Variants in RGS8 observed in about 807,000 individuals in gnomAD.
RGS8 encodes the protein regulator of G protein signaling 8, also known as regulator of G-protein signaling 8.
A neutral mutation model predicts 21.7 loss-of-function variants in RGS8; 8 were observed. That is an observed-to-expected ratio of 0.37 (90% CI 0.22 to 0.66). The LOEUF (loss-of-function observed/expected upper bound fraction) is 0.66. Among genes scored for constraint, RGS8 ranks in the 30% least tolerant of loss-of-function variants. RGS8 has a pLI of 0.59. For synonymous variants in RGS8, 80 were observed against 83.6 expected, an observed-to-expected ratio of 0.96 and a Z score of 0.24; for missense variants, 157 against 217.9, an observed-to-expected ratio of 0.72 and a Z score of 1.76.
exon 4 of RGS8, chr1:182,666,944 C>T (rs1663894943): frequency 6.2e-7 from 1 of 1,614,006 alleles, no homozygotes; most frequent in African/African-American, 1.3e-5. Flanking sequence ...GTGAGACAGG[C>T]ATCCCAGTCG....
At chr1:182,692,981 T>C in the RGS8 span, among the ~76,000 whole-genome samples, 2 of 152,324 alleles carry the variant, frequency 1.3e-5, no homozygotes, top group African/African-American at 2.4e-5. Flanking sequence ...AATCAACCAA[T>C]GTGGATTAAA....
upstream of RGS8, among the ~76,000 whole-genome samples, chr1:182,685,150 T>C (rs1571361668): frequency 6.6e-6 from 1 of 152,050 alleles, no homozygotes; most frequent in African/African-American, 2.4e-5. Context: ...TCTGTGTCAT[T>C]TGTCACCCTC....
chr1:182,703,223 T>C, the RGS8 span, among the ~76,000 whole-genome samples: 1 of 152,198 alleles, frequency 6.6e-6, no homozygotes, highest in African/African-American at 2.4e-5. Context: ...AGGGGCATTT[T>C]CTCCTGCAAC....
chr1:182,747,965 G>C, the RGS8 span, among the ~76,000 whole-genome samples: 15 of 151,110 alleles, frequency 9.9e-5, no homozygotes, highest in African/African-American at 3.7e-4. Flanking sequence ...TATGTTTTAT[G>C]CTTTTTTTAT....
chr1:182,683,590 A>G (rs1212096478), intron 1 of RGS8, among the ~76,000 whole-genome samples: 1 of 149,658 alleles, frequency 6.7e-6, no homozygotes, highest in Non-Finnish European at 1.5e-5. Context: ...TCACCATTCT[A>G]TCACAGAAAG....
chr1:182,718,920 G>A, the RGS8 span, among the ~76,000 whole-genome samples: 51 of 152,250 alleles, frequency 3.3e-4, 1 homozygote, highest in African/African-American at 1.1e-3. Context: ...TAATAGCGTC[G>A]GATGGAAATG....
At chr1:182,722,745 G>A in the RGS8 span, among the ~76,000 whole-genome samples, 1 of 152,094 alleles carries the variant, frequency 6.6e-6, no homozygotes, top group Non-Finnish European at 1.5e-5. Context: ...GGGAGTCTGA[G>A]GCGGGTGGAT....
the RGS8 span, among the ~76,000 whole-genome samples, chr1:182,721,062 T>TGTATATATACATATATACAC: frequency 9.4e-6 from 1 of 106,836 alleles, no homozygotes; most frequent in South Asian, 2.8e-4. Context: ...TATATATGTG[T>TGTATATATACATATATACAC]GTATATATAC....
chr1:182,748,667 G>A, the RGS8 span, among the ~76,000 whole-genome samples: 1 of 152,098 alleles, frequency 6.6e-6, no homozygotes. Context: ...AAAATTTTTC[G>A]AGGAAACTTC....
chr1:182,730,882 A>C, the RGS8 span, among the ~76,000 whole-genome samples: 1 of 152,100 alleles, frequency 6.6e-6, no homozygotes, highest in Non-Finnish European at 1.5e-5. Flanking sequence ...GCTCCAGAAA[A>C]CTGTATTTTT....
the RGS8 span, among the ~76,000 whole-genome samples, chr1:182,697,006 A>G: frequency 2.0e-5 from 3 of 152,116 alleles, no homozygotes; most frequent in African/African-American, 7.2e-5. Context: ...TTCTATTTTT[A>G]TGGCAGAAGT....
chr1:182,700,340 A>G, the RGS8 span, among the ~76,000 whole-genome samples: 1 of 152,204 alleles, frequency 6.6e-6, no homozygotes, highest in Non-Finnish European at 1.5e-5. Context: ...ATGACCCCCA[A>G]AACATTCCCC....
At chr1:182,751,353 C>T in the RGS8 span, among the ~76,000 whole-genome samples, 3 of 152,196 alleles carry the variant, frequency 2.0e-5, no homozygotes, top group Non-Finnish European at 2.9e-5. Flanking sequence ...ATACTATTTT[C>T]ATTAACTCAT....
At chr1:182,744,284 G>A in the RGS8 span, among the ~76,000 whole-genome samples, 1 of 151,622 alleles carries the variant, frequency 6.6e-6, no homozygotes, top group African/African-American at 2.4e-5. Flanking sequence ...ACCACATCTG[G>A]CTAACTAAAA....
the RGS8 span, among the ~76,000 whole-genome samples, chr1:182,707,556 C>T: frequency 0.039 from 6,002 of 152,216 alleles, 131 homozygotes; most frequent in Middle Eastern, 0.054. Context: ...TCCAATAACC[C>T]GCTAACTTGG....
the RGS8 span, among the ~76,000 whole-genome samples, chr1:182,738,198 A>G: frequency 1.3e-5 from 2 of 152,242 alleles, no homozygotes; most frequent in Non-Finnish European, 2.9e-5. Flanking sequence ...GTTGCATATA[A>G]TGGACGGAGG....
At chr1:182,648,444 C>A in intron 5 of RGS8, 141 bp from the exon 7 acceptor site, 1 of 827,400 alleles carries the variant, frequency 1.2e-6, no homozygotes, top group Non-Finnish European at 1.9e-6. Flanking sequence ...CTTGAAGACC[C>A]CATTCTCATC....
chr1:182,667,934 A>G (rs1011212834), intron 3 of RGS8, among the ~76,000 whole-genome samples: 1 of 151,978 alleles, frequency 6.6e-6, no homozygotes, highest in Non-Finnish European at 1.5e-5. Context: ...TTCCTGCCTC[A>G]GCCTCCTGAG....
the RGS8 span, among the ~76,000 whole-genome samples, chr1:182,703,743 G>T: frequency 6.6e-6 from 1 of 152,196 alleles, no homozygotes; most frequent in Non-Finnish European, 1.5e-5. Context: ...TTTCAAAGCA[G>T]ATTCGCCTCC....
Sources: allele counts gnomAD v4.1 joint callset (sites outside exome capture counted in the v4.1 genomes callset), GRCh38; gene constraint gnomAD v4.1.1; transcripts MANE v1.5; gene names NCBI Gene and HGNC (gene_info 2026-07-23, HGNC 2026-07-21).